LRRTM4: variants seen among roughly 807,000 people sequenced by gnomAD.
The protein encoded by LRRTM4 is leucine rich repeat transmembrane neuronal 4, also known as leucine-rich repeat transmembrane neuronal protein 4.
Under a neutral mutation model 47.6 loss-of-function variants are expected in LRRTM4, and 25 were observed. That is an observed-to-expected ratio of 0.53 (90% confidence interval 0.38 to 0.73). The LOEUF (loss-of-function observed/expected upper bound fraction) is 0.73. LRRTM4 is among the 30% of genes least tolerant of loss of function. LRRTM4 has a pLI of 0.00. For synonymous variants in LRRTM4, 311 were observed against 269.5 expected, an observed-to-expected ratio of 1.15 and a Z score of -1.51; for missense variants, 638 against 713.4, an observed-to-expected ratio of 0.89 and a Z score of 1.20.
chr2:76,889,737 C>T (rs1352394028), intron 3 of LRRTM4, among the ~76,000 whole-genome samples: 1 of 151,812 alleles, frequency 6.6e-6, no homozygotes, highest in African/African-American at 2.4e-5. Context: ...AATAATATAG[C>T]AGTAAAATTT....
At chr2:77,024,488 C>G (rs1422286681) in intron 3 of LRRTM4, among the ~76,000 whole-genome samples, 1 of 135,872 alleles carries the variant, frequency 7.4e-6, no homozygotes, top group Admixed American at 7.6e-5. Context: ...TGCAAAGGGT[C>G]TAGAATTAAA....
rs539198716 is a variant in LRRTM4 at position 77,088,666 on chromosome 2, C to T, written c.1552-339750G>A. ...CTGTTTGGTGGTCTCTTCACACGGACGCGCATGAAATTTGGTGCCGTGACT... is the reference window on the plus strand; with the variant it reads ...CTGTTTGGTGGTCTCTTCACACGGATGCGCATGAAATTTGGTGCCGTGACT... On this transcript the variant is annotated intron_variant, in intron 3 of 3. Transcript: ENST00000409884. Among the ~76,000 whole-genome samples, 149 of 152,268 alleles carry T rather than the reference C, an allele frequency of 9.8e-4. 1 individual carries two copies. The highest frequency in any genetic ancestry group is 1.8e-3 in the Non-Finnish European group (120 of 68,034).
rs189122526 is a variant in LRRTM4, at chr2:76,806,875, C to T, written c.1552-57959G>A. ...ATAAATGTCTTAATAGAAAAATGCA[C>T]AAAGAACCTGAAAATGAATTTCATA... On this transcript the variant is annotated intron_variant, in intron 3 of 3. Transcript: ENST00000409884. 3.1e-3 allele frequency among the ~76,000 whole-genome samples: 470 copies of T among 151,732 alleles called. 1 individual carries two copies. Among genetic ancestry groups the T allele is most frequent in the African/African-American group, 0.01 (420 of 41,352 alleles).
At chr2:77,424,923 G>A (rs1675047042) in intron 3 of LRRTM4, among the ~76,000 whole-genome samples, 1 of 152,074 alleles carries the variant, frequency 6.6e-6, no homozygotes, top group South Asian at 2.1e-4. Flanking sequence ...AGCTCCAGGA[G>A]GTGAACTAGT....
At chr2:77,323,112 C>G (rs1013090397) in intron 3 of LRRTM4, among the ~76,000 whole-genome samples, 6 of 152,006 alleles carry the variant, frequency 3.9e-5, no homozygotes, top group African/African-American at 1.4e-4. Context: ...ATACACCTGG[C>G]TCTGTGCTTC....
At chr2:76,899,311 CCACACACACACACACACACACACACACA>C (rs34031809) in intron 3 of LRRTM4, among the ~76,000 whole-genome samples, 2 of 136,412 alleles carry the variant, frequency 1.5e-5, no homozygotes, top group Non-Finnish European at 3.1e-5. Flanking sequence ...GACTAATAAA[CCACACACACACACACACACACACACACA>C]CACACACACA....
intron 3 of LRRTM4, among the ~76,000 whole-genome samples, chr2:77,102,346 T>C (rs1374089733): frequency 6.6e-6 from 1 of 152,154 alleles, no homozygotes; most frequent in Non-Finnish European, 1.5e-5. Context: ...TTACTGCTCT[T>C]AGGTTTGTTA....
At chr2:77,408,996 G>A (rs770330540) in intron 3 of LRRTM4, among the ~76,000 whole-genome samples, 5 of 152,014 alleles carry the variant, frequency 3.3e-5, no homozygotes, top group South Asian at 2.1e-4. Flanking sequence ...AAATATTGCC[G>A]TTTTCATCCC....
At chr2:77,277,729 C>A (rs1676400806) in intron 3 of LRRTM4, among the ~76,000 whole-genome samples, 1 of 151,936 alleles carries the variant, frequency 6.6e-6, no homozygotes, top group Non-Finnish European at 1.5e-5. Context: ...GTGAATATAG[C>A]TCATTCGTAG....
intron 3 of LRRTM4, among the ~76,000 whole-genome samples, chr2:77,154,400 T>A (rs559710132): frequency 5.9e-5 from 9 of 152,242 alleles, no homozygotes; most frequent in Admixed American, 3.9e-4. Flanking sequence ...TGCAAATCAC[T>A]ATGTGTTTAA....
At chr2:77,057,488 A>G (rs1361286453) in intron 3 of LRRTM4, among the ~76,000 whole-genome samples, 1 of 152,216 alleles carries the variant, frequency 6.6e-6, no homozygotes, top group Admixed American at 6.5e-5. Context: ...AGTAACATGC[A>G]ATTTAGTTGC....
In LRRTM4 at chr2:77,342,564, A is replaced by G. The variant is rs951429926; in HGVS notation, c.1551+175754T>C. Among the ~76,000 whole-genome samples, 30 of 151,996 alleles carry G rather than the reference A, an allele frequency of 2.0e-4. 1 individual carries two copies. The highest frequency in any genetic ancestry group is 7.0e-4 in the African/African-American group (29 of 41,414). ...TTAAACAAATTTTTTAATATCTAGA[A>G]CACAGATTCTTCATGGGAAAATAGA... On this transcript the variant is annotated intron_variant, in intron 3 of 3. Transcript: ENST00000409884.
chr2:76,927,619 T>C (rs1380211991), intron 3 of LRRTM4, among the ~76,000 whole-genome samples: 1 of 152,202 alleles, frequency 6.6e-6, no homozygotes, highest in Non-Finnish European at 1.5e-5. Flanking sequence ...CTTGGGTTTC[T>C]GTCTCTTGCA....
At chr2:77,481,245 CTAT>C (rs1189416054) in intron 3 of LRRTM4, among the ~76,000 whole-genome samples, 1 of 152,164 alleles carries the variant, frequency 6.6e-6, no homozygotes, top group Non-Finnish European at 1.5e-5. Flanking sequence ...GAAGCAAAGC[CTAT>C]TATTATCTCC....
chr2:76,761,453 G>T (rs1673251823), intron 3 of LRRTM4, among the ~76,000 whole-genome samples: 1 of 152,098 alleles, frequency 6.6e-6, no homozygotes, highest in Non-Finnish European at 1.5e-5. Context: ...CAATTCAGTT[G>T]GGTAAGTTTA....
At chr2:77,202,016 G>A (rs545207901) in intron 3 of LRRTM4, among the ~76,000 whole-genome samples, 83 of 152,216 alleles carry the variant, frequency 5.5e-4, no homozygotes, top group Non-Finnish European at 8.8e-4. Flanking sequence ...CTTTCTTGAA[G>A]GTTGTTAAAA....
chr2:77,135,747 T>A (rs1450883250), intron 3 of LRRTM4, among the ~76,000 whole-genome samples: 5 of 152,136 alleles, frequency 3.3e-5, no homozygotes, highest in African/African-American at 1.2e-4. Flanking sequence ...ACATTGACTT[T>A]GAAGGCTTAA....
intron 3 of LRRTM4, among the ~76,000 whole-genome samples, chr2:76,801,359 T>C (rs1055207882): frequency 6.6e-6 from 1 of 152,088 alleles, no homozygotes; most frequent in African/African-American, 2.4e-5. Flanking sequence ...TTCACGTCCT[T>C]TGTAGGGACA....
At chr2:77,034,322 T>C (rs985645629) in intron 3 of LRRTM4, among the ~76,000 whole-genome samples, 14 of 151,984 alleles carry the variant, frequency 9.2e-5, no homozygotes, top group Non-Finnish European at 1.9e-4. Context: ...AGTGTCTCAA[T>C]TCAATCACAA....
Sources: gnomAD v4.1 joint callset for allele counts (sites outside exome capture counted in the v4.1 genomes callset) on GRCh38, gnomAD v4.1.1 for gene constraint, MANE v1.5 for transcripts, NCBI Gene and HGNC (gene_info 2026-07-23, HGNC 2026-07-21) for gene names.